ADNP2: variants seen among roughly 807,000 people sequenced by gnomAD.
ADNP2 encodes ADNP homeobox 2.
Under a neutral mutation model 16.4 loss-of-function variants are expected in ADNP2, and 8 were observed. That is an observed-to-expected ratio of 0.49 (90% CI 0.29 to 0.88). The LOEUF (loss-of-function observed/expected upper bound fraction) is 0.88. Among genes scored for constraint, ADNP2 ranks in the 40% least tolerant of loss-of-function variants. The probability of loss-of-function intolerance (pLI) is 0.09; values close to 1 mark genes in which losing one functional copy is unlikely to be tolerated. For missense variants in ADNP2, 1,397 were observed against 1,395.1 expected (o/e 1.00, Z -0.02); for synonymous variants, 637 against 545.8 (o/e 1.17, Z -2.33).
At chr18:80,111,221 T>G (rs1359648719) in intron 1 of ADNP2, among the ~76,000 whole-genome samples, 1 of 152,224 alleles carries the variant, frequency 6.6e-6, no homozygotes, top group African/African-American at 2.4e-5. Context: ...TTTTAAAAAG[T>G]CCTGTATTCC....
chr18:80,126,985 C>T (rs375640547), intron 2 of ADNP2, among the ~76,000 whole-genome samples: 1 of 152,166 alleles, frequency 6.6e-6, no homozygotes, highest in Non-Finnish European at 1.5e-5. Flanking sequence ...ACACAGGCAT[C>T]GTGTCATCGC....
intron 2 of ADNP2, among the ~76,000 whole-genome samples, chr18:80,126,152 A>ATTCCATTTTATC (rs1568411434): frequency 7.9e-5 from 12 of 151,976 alleles, no homozygotes; most frequent in Non-Finnish European, 1.3e-4. Context: ...CTGGCTTATT[A>ATTCCATTTTATC]GCTATACATC....
chr18:80,133,139 C>G lies in ADNP2; in HGVS notation c.145C>G (p.His49Asp). The stretch of plus-strand genomic sequence containing the variant: ...CTTTGATCCAGGAGAGAAATACTTT[C>G]ATAACACATCATGGGGTGATGTTTC... ...KGFDPGEKYF[H>D]NTSWGDVSLW... Residue 49 changes from histidine to aspartate, a missense_variant, in exon 3 of 4, where the codon CAT becomes GAT. This residue lies in a region of ADNP2 where 777 missense variants were observed against 719.4 expected (regional missense o/e 1.08). Transcript: ENST00000262198. The G allele has an allele frequency of 1.9e-6, 3 of 1,612,670 alleles. No individual in the cohort carries two copies. The highest frequency in any genetic ancestry group is 2.5e-6 in the Non-Finnish European group (3 of 1,179,500).
chr18:80,123,645 AG>A (rs1485497918), intron 2 of ADNP2, among the ~76,000 whole-genome samples: 1 of 152,122 alleles, frequency 6.6e-6, no homozygotes, highest in African/African-American at 2.4e-5. Flanking sequence ...CTGGGATTAC[AG>A]GCCTGAGCCA....
chr18:80,124,757 G>A (rs999187052), intron 2 of ADNP2, among the ~76,000 whole-genome samples: 20 of 152,132 alleles, frequency 1.3e-4, no homozygotes, highest in Admixed American at 8.5e-4. Context: ...CCTAGGGGCT[G>A]CCAACCACCA....
At position 80,136,056 on chromosome 18, in the gene ADNP2, TA is replaced by T; in HGVS notation, c.644del (p.Tyr215PhefsTer16). 1 of 1,614,172 alleles carries T rather than the reference TA, an allele frequency of 6.2e-7. No homozygotes were observed. On this transcript the variant is annotated frameshift_variant, in exon 4 of 4. Coordinates refer to ENST00000262198, the MANE Select transcript of ADNP2 (RefSeq NM_014913.4). LOFTEE classifies it low-confidence loss of function (END_TRUNC). ...SIEKIPPPDK[Y>X]YCKKCNANAS... is the part of the protein sequence containing the mutation. ...AGAGAAGATCCCACCACCTGACAAA[TA>T]TTACTGTAAAAAGTGCAACGCCAAT...
intron 1 of ADNP2, among the ~76,000 whole-genome samples, chr18:80,111,407 T>C (rs2052356037): frequency 6.6e-6 from 1 of 152,156 alleles, no homozygotes; most frequent in South Asian, 2.1e-4. Context: ...AGTGATTTCC[T>C]GAAGATTACA....
chr18:80,110,369 C>T (rs112398096), intron 1 of ADNP2, among the ~76,000 whole-genome samples: 10 of 152,002 alleles, frequency 6.6e-5, no homozygotes, highest in Non-Finnish European at 1.3e-4. Flanking sequence ...TCTATTTGCA[C>T]GGGTAATCAC....
chr18:80,109,629 C>T (rs1210678918), intron 1 of ADNP2, 157 bp downstream of exon 1: 1 of 149,086 alleles, frequency 6.7e-6, no homozygotes, highest in African/African-American at 2.4e-5. Flanking sequence ...GTGGCCGCCT[C>T]GGGAATCCCG....
intron 1 of ADNP2, among the ~76,000 whole-genome samples, chr18:80,111,720 T>C (rs1352462117): frequency 6.6e-6 from 1 of 152,026 alleles, no homozygotes; most frequent in Non-Finnish European, 1.5e-5. Context: ...TTTTTGGTAA[T>C]TTTTAGTAGA....
At chr18:80,134,295 G>C (rs34176945) in intron 3 of ADNP2, among the ~76,000 whole-genome samples, 27,490 of 151,946 alleles carry the variant, frequency 0.18, 2,759 homozygotes, top group Middle Eastern at 0.25. Flanking sequence ...GATGGCGTAG[G>C]TTGCAGTGAG....
Position 80,137,708 on chromosome 18 carries a change from G to C in ADNP2, c.2295G>C (p.Leu765Phe). Reference protein sequence around the residue: ...LVSEEELIHHLLMHGLGCLFC... With the variant: ...LVSEEELIHHFLMHGLGCLFC... ...CTGAGGAAGAGCTTATACACCACTTGCTGATGCATGGCTTGGGGTGCTTGT... is the reference window on the plus strand; with the variant it reads ...CTGAGGAAGAGCTTATACACCACTTCCTGATGCATGGCTTGGGGTGCTTGT... The change falls in exon 4 of 4, where the codon TTG becomes TTC. Residue 765 changes from leucine (L) to phenylalanine (F), a missense_variant. Coordinates refer to ENST00000262198, the MANE Select transcript of ADNP2 (RefSeq NM_014913.4). The surrounding 1 kb of genome is among the most constrained non-coding windows in gnomAD (Gnocchi z 4.2). 1 of 1,614,182 alleles carries C rather than the reference G, an allele frequency of 6.2e-7. No homozygotes were observed. Among genetic ancestry groups the C allele is most frequent in the Non-Finnish European group, 8.5e-7 (1 of 1,180,026 alleles).
chr18:80,137,954 A>G lies in ADNP2; in HGVS notation c.2541A>G (p.Ile847Met), dbSNP rs747597802. ...REVYLAILAG[I>M]HSKSLVPVYV... ...TCTACTTGGCAATCCTGGCTGGGATACACTCCAAGTCACTGGTGCCTGTGT... is the reference window on the plus strand; with the variant it reads ...TCTACTTGGCAATCCTGGCTGGGATGCACTCCAAGTCACTGGTGCCTGTGT... Residue 847 changes from isoleucine (I) to methionine (M), a missense_variant, in exon 4 of 4, where the codon ATA becomes ATG. Transcript: ENST00000262198. This position sits in a 1 kb window ranked among gnomAD's most constrained non-coding sequence, Gnocchi z 4.2. The G allele has an allele frequency of 4.3e-6, 7 of 1,613,296 alleles. No homozygotes were observed. Among genetic ancestry groups the G allele is most frequent in the East Asian group, 4.5e-5 (2 of 44,880 alleles).
intron 2 of ADNP2, among the ~76,000 whole-genome samples, chr18:80,126,506 T>C (rs1207560268): frequency 6.6e-6 from 1 of 152,206 alleles, no homozygotes; most frequent in Non-Finnish European, 1.5e-5. Context: ...AGTTGTCTTT[T>C]AGGAAGGAAG....
Position 80,138,028 on chromosome 18 carries a change from A to G in ADNP2, c.2615A>G (p.Lys872Arg). The G allele has an allele frequency of 6.2e-7, 1 of 1,613,724 alleles. No homozygotes were observed. The highest frequency in any genetic ancestry group is 8.5e-7 in the Non-Finnish European group (1 of 1,180,026). ...QAEGTPGSTG[K>R]RVSTCPFCFG... ...GAGGGCACCCCCGGGAGCACCGGCA[A>G]GCGAGTGTCCACCTGCCCCTTTTGC... is the stretch of plus-strand genomic sequence containing the variant. The change falls in exon 4 of 4, where the codon AAG becomes AGG. Residue 872 changes from lysine (K) to arginine (R), a missense_variant. Around this residue, in one of 3 missense-constraint regions of ADNP2, gnomAD observed 611 missense variants for 648.7 expected, o/e 0.94. Transcript: ENST00000262198.
intron 1 of ADNP2, among the ~76,000 whole-genome samples, chr18:80,111,938 C>A (rs1302486477): frequency 1.3e-5 from 2 of 151,602 alleles, no homozygotes; most frequent in Non-Finnish European, 2.9e-5. Context: ...CCTTTATGTA[C>A]CCTTTTGGGA....
chr18:80,117,299 T>C (rs2052395494), intron 1 of ADNP2, among the ~76,000 whole-genome samples: 1 of 152,178 alleles, frequency 6.6e-6, no homozygotes, highest in South Asian at 2.1e-4. Context: ...ATAAGAGTTT[T>C]ATAGTTTTAG....
In ADNP2 at chr18:80,114,804, C is replaced by T. The variant is rs746492570; in HGVS notation, c.-13-2726C>T. On this transcript the variant is annotated intron_variant, in intron 1 of 3. Transcript: ENST00000262198. ...GGCCTCATCTGGGAAGACTCAAAGG[C>T]AGGGGGTGACTTGACAGCTAGGGCT... is the stretch of plus-strand genomic sequence containing the variant. Among the ~76,000 whole-genome samples, 27 of 152,082 alleles carry T rather than the reference C, an allele frequency of 1.8e-4. 1 individual carries two copies. Among genetic ancestry groups the T allele is most frequent in the Non-Finnish European group, 3.5e-4 (24 of 68,022 alleles).
rs1232712396 is a variant in ADNP2, at chr18:80,137,503, C to G, written c.2090C>G (p.Pro697Arg). The change falls in exon 4 of 4, where the codon CCT (proline) becomes CGT (arginine). Residue 697 changes from proline to arginine, a missense_variant. Physicochemically the swap from Pro to Arg is moderately radical, Grantham distance 103. Around this residue, in one of 3 missense-constraint regions of ADNP2, gnomAD observed 611 missense variants for 648.7 expected, o/e 0.94. Coordinates refer to ENST00000262198, the MANE Select transcript of ADNP2 (RefSeq NM_014913.4). The surrounding 1 kb of genome is among the most constrained non-coding windows in gnomAD (Gnocchi z 4.2). Reference protein sequence around the residue: ...LKQAKQWKTCPVCNELFPSNV... With the variant: ...LKQAKQWKTCRVCNELFPSNV... ...CAGGCCAAGCAGTGGAAGACCTGCC[C>G]TGTCTGCAACGAGCTCTTTCCGTCC... The G allele has an allele frequency of 2.5e-6, 4 of 1,614,256 alleles. No homozygotes were observed. Among genetic ancestry groups the G allele is most frequent in the Non-Finnish European group, 2.5e-6 (3 of 1,180,050 alleles).
Sources: gnomAD v4.1 joint callset for allele counts (sites outside exome capture counted in the v4.1 genomes callset) on GRCh38, gnomAD v4.1.1 for gene constraint, gnomAD v4.1.1 regional missense constraint, Gnocchi (gnomAD v3.1) non-coding constraint, MANE v1.5 for transcripts, NCBI Gene and HGNC (gene_info 2026-07-23, HGNC 2026-07-21) for gene names.